The following ERICH1 variants were observed in gnomAD, a reference collection of about 807,000 sequenced individuals.
The protein encoded by ERICH1 is glutamate-rich protein 1.
ERICH1 carries 56 observed loss-of-function variants against 39.6 expected under a neutral mutation model. The ratio of observed to expected loss-of-function variants is 1.41; its 90% CI spans 1.14 to 1.77. ERICH1 has a LOEUF of 1.77. ERICH1 is among the 40% of genes most tolerant of loss of function. The pLI is 0.00. For missense variants in ERICH1, 826 were observed against 575.4 expected, an observed-to-expected ratio of 1.44 and a Z score of -4.45; for synonymous variants, 313 against 223.6, an observed-to-expected ratio of 1.40 and a Z score of -3.57.
In ERICH1 at chr8:674,052, TA is replaced by T. The variant is rs768939457; in HGVS notation, c.305-6del. ...GCTGGTCATGAGGATCCTGATCTGT[TA>T]AAAAAATTCAAATATAACAATTTTC... is the stretch of plus-strand genomic sequence containing the variant. On this transcript the variant is annotated splice_region_variant and splice_polypyrimidine_tract_variant and intron_variant, in intron 3 of 5. Coordinates refer to ENST00000262109, the MANE Select transcript of ERICH1 (RefSeq NM_207332.3). The T allele has an allele frequency of 3.3e-6, 5 of 1,527,922 alleles. No individual in the cohort carries two copies. The highest frequency in any genetic ancestry group is 4.3e-6 in the Non-Finnish European group (5 of 1,151,644). The allele number at this position is 1,527,922 out of a possible 1,614,324, so 94.6% of individuals were successfully genotyped here.
At chr8:697,437 G>A (rs1339796507) in intron 2 of ERICH1, among the ~76,000 whole-genome samples, 1 of 152,204 alleles carries the variant, frequency 6.6e-6, no homozygotes, top group Non-Finnish European at 1.5e-5. Context: ...TCATCCTGCT[G>A]CATGCCCACA....
chr8:640,571 T>C (rs1363761826), intron 3 of ERICH1: 2 of 152,234 alleles, frequency 1.3e-5, no homozygotes, highest in African/African-American at 4.8e-5. Context: ...TGTAATGTGA[T>C]ATGAGGCTAA....
Position 668,606 on chromosome 8 carries a change from A to G in ERICH1, c.1250T>C (p.Met417Thr). The change falls in exon 5 of 6, where the codon ATG becomes ACG. Residue 417 changes from methionine to threonine, a missense_variant. Met to Thr is a moderately conservative substitution (Grantham distance 81). Coordinates refer to ENST00000262109, the MANE Select transcript of ERICH1 (RefSeq NM_207332.3). ...ALEMFPEHCT[M>T]PPDHARVISA... ...AATCGTACGGTACTTACCAGGAGGC[A>G]TCGTGCAATGTTCTGGGAACATTTC... is the stretch of plus-strand genomic sequence containing the variant. 4 of 1,614,216 alleles carry G rather than the reference A, an allele frequency of 2.5e-6. No homozygotes were observed. Among genetic ancestry groups the G allele is most frequent in the Non-Finnish European group, 3.4e-6 (4 of 1,180,030 alleles).
chr8:658,027 C>T (rs986371102), intron 3 of ERICH1, among the ~76,000 whole-genome samples: 11 of 152,228 alleles, frequency 7.2e-5, no homozygotes, highest in Non-Finnish European at 5.9e-5. Flanking sequence ...CCGATCCCCA[C>T]GGACCATGTT....
chr8:669,607 G>T (rs1035047573), intron 4 of ERICH1, among the ~76,000 whole-genome samples: 1 of 151,866 alleles, frequency 6.6e-6, no homozygotes, highest in Non-Finnish European at 1.5e-5. Flanking sequence ...CCCCTGGCCC[G>T]TCTACACCTC....
In ERICH1 at chr8:731,177, G is replaced by A. The variant is rs764620302; in HGVS notation, c.-16C>T. The A allele has an allele frequency of 6.0e-6, 9 of 1,503,408 alleles. No individual in the cohort carries two copies. The highest frequency in any genetic ancestry group is 2.5e-5 in the South Asian group (2 of 79,856). The allele number at this position is 1,503,408 out of a possible 1,614,324, so 93.1% of individuals were successfully genotyped here. A position where few individuals can be genotyped will look rare whatever the true frequency, so the allele number is the denominator to read the frequency against. ...GCGCCGCCATGCGGGACCCTGCCGC[G>A]GACCTCAGACCACGGCGCGCGGTCC... On this transcript the variant is annotated 5_prime_UTR_variant, in exon 1 of 6. Coordinates refer to ENST00000262109, the MANE Select transcript of ERICH1 (RefSeq NM_207332.3).
chr8:689,492 GC>G (rs1325520235), intron 3 of ERICH1, among the ~76,000 whole-genome samples: 3 of 152,200 alleles, frequency 2.0e-5, no homozygotes, highest in Non-Finnish European at 4.4e-5. Flanking sequence ...CCTGAACGAG[GC>G]TTTCAGATGC....
intron 3 of ERICH1, chr8:656,904 A>G (rs1249301224): frequency 5.4e-6 from 5 of 927,470 alleles, no homozygotes; most frequent in Non-Finnish European, 6.4e-6. Flanking sequence ...AATTCATTTA[A>G]GATAAACAAT....
intron 2 of ERICH1, among the ~76,000 whole-genome samples, chr8:699,731 AGG>A (rs1811283179): frequency 1.4e-5 from 2 of 143,386 alleles, no homozygotes; most frequent in Admixed American, 7.0e-5. Flanking sequence ...ACAGACTCAC[AGG>A]CGCACAGACA....
intron 2 of ERICH1, among the ~76,000 whole-genome samples, chr8:693,271 C>T (rs749718981): frequency 2.0e-5 from 3 of 152,142 alleles, no homozygotes; most frequent in African/African-American, 4.8e-5. Flanking sequence ...GACACACATA[C>T]ATCTTCAGGA....
At chr8:700,721 G>T (rs1401588075) in intron 2 of ERICH1, among the ~76,000 whole-genome samples, 23 of 152,138 alleles carry the variant, frequency 1.5e-4, no homozygotes, top group Non-Finnish European at 2.8e-4. Context: ...GCGGTGGGAG[G>T]TCCTGCCCCA....
At chr8:656,657 T>A in intron 3 of ERICH1, 12 of 806,742 alleles carry the variant, frequency 1.5e-5, no homozygotes, top group Non-Finnish European at 1.8e-5. Flanking sequence ...GTGTGGAATT[T>A]TGGGGCTTAC....
chr8:634,438 G>A (rs1477241607), intron 3 of ERICH1, among the ~76,000 whole-genome samples: 4 of 152,208 alleles, frequency 2.6e-5, no homozygotes. Context: ...ACATAGAATT[G>A]CCACAGCATC....
intron 3 of ERICH1, among the ~76,000 whole-genome samples, chr8:634,944 G>A (rs941124591): frequency 9.9e-5 from 15 of 152,174 alleles, no homozygotes; most frequent in East Asian, 1.9e-4. Flanking sequence ...CTGCCCTCTT[G>A]GTGCCTCTGG....
At chr8:677,141 C>T (rs1227629198) in intron 3 of ERICH1, among the ~76,000 whole-genome samples, 6 of 152,228 alleles carry the variant, frequency 3.9e-5, no homozygotes, top group Non-Finnish European at 5.9e-5. Context: ...TCGCCAGCTG[C>T]GGACACCGCA....
At chr8:671,180 G>A (rs1429807090) in intron 4 of ERICH1, among the ~76,000 whole-genome samples, 4 of 140,260 alleles carry the variant, frequency 2.9e-5, no homozygotes, top group African/African-American at 8.1e-5. Context: ...TCCAGGCTCC[G>A]ACCTCTGAAC....
At chr8:616,236 G>C in intron 3 of ERICH1, 1 of 242,870 alleles carries the variant, frequency 4.1e-6, no homozygotes, top group South Asian at 4.6e-5. Flanking sequence ...GAGTTTCTCT[G>C]TGTTCAAATG....
At chr8:694,371 G>C (rs2132089878) in intron 2 of ERICH1, among the ~76,000 whole-genome samples, 1 of 152,280 alleles carries the variant, frequency 6.6e-6, no homozygotes, top group South Asian at 2.1e-4. Context: ...AATATTTTTG[G>C]AAGCTTTTAA....
chr8:653,205 C>CA (rs1386810836), intron 3 of ERICH1, among the ~76,000 whole-genome samples: 2 of 152,230 alleles, frequency 1.3e-5, no homozygotes, highest in African/African-American at 4.8e-5. Context: ...GCACCATGTC[C>CA]ATCTACAGAT....
Sources: allele counts gnomAD v4.1 joint callset (sites outside exome capture counted in the v4.1 genomes callset), GRCh38; gene constraint gnomAD v4.1.1; transcripts MANE v1.5; gene names NCBI Gene and HGNC (gene_info 2026-07-23, HGNC 2026-07-21).